The following MGMT variants were observed in gnomAD, a reference collection of about 807,000 sequenced individuals.
The protein encoded by MGMT is O-6-methylguanine-DNA methyltransferase.
In MGMT, 14 loss-of-function variants were observed where a neutral mutation model predicts 15.9. The ratio of observed to expected loss-of-function variants is 0.88; its 90% confidence interval spans 0.58 to 1.37. MGMT has a LOEUF of 1.37. Ranked by LOEUF, MGMT falls within the 40% of genes most tolerant of loss-of-function variation. The pLI, the probability that MGMT is intolerant of heterozygous loss-of-function variation, is 0.00. For missense variants in MGMT, 282 were observed against 268.1 expected (o/e 1.05, Z -0.36); for synonymous variants, 130 against 118.2 (o/e 1.10, Z -0.65).
intron 3 of MGMT, among the ~76,000 whole-genome samples, chr10:129,735,563 A>T: frequency 6.7e-6 from 1 of 149,154 alleles, no homozygotes; most frequent in African/African-American, 2.5e-5. Context: ...TATTTCCTTC[A>T]GTTCTGCTCT....
chr10:129,567,547 C>A (rs1846370585), intron 2 of MGMT, among the ~76,000 whole-genome samples: 1 of 152,120 alleles, frequency 6.6e-6, no homozygotes, highest in African/African-American at 2.4e-5. Context: ...GGTTGAAAAT[C>A]CTGTCCCTGG....
At chr10:129,559,063 A>G (rs1374232359) in intron 2 of MGMT, among the ~76,000 whole-genome samples, 3 of 152,140 alleles carry the variant, frequency 2.0e-5, no homozygotes, top group Admixed American at 6.5e-5. Flanking sequence ...GAATATTTGC[A>G]TCGACCAGGA....
intron 1 of MGMT, among the ~76,000 whole-genome samples, chr10:129,505,186 G>A (rs1482427655): frequency 1.3e-5 from 2 of 152,148 alleles, no homozygotes; most frequent in East Asian, 3.9e-4. Flanking sequence ...AAATGGAATT[G>A]AGAAAATTGA....
intron 2 of MGMT, among the ~76,000 whole-genome samples, chr10:129,657,689 A>G (rs1346438985): frequency 3.6e-5 from 5 of 140,460 alleles, no homozygotes; most frequent in African/African-American, 1.4e-4. Context: ...ACACACACAC[A>G]CACACACACA....
chr10:129,744,718 G>A (rs1012812059), intron 3 of MGMT, among the ~76,000 whole-genome samples: 1 of 152,200 alleles, frequency 6.6e-6, no homozygotes, highest in African/African-American at 2.4e-5. Flanking sequence ...GCCTCCACAG[G>A]GACCACAGAC....
chr10:129,673,470 A>T (rs897676201), intron 2 of MGMT, among the ~76,000 whole-genome samples: 1 of 152,148 alleles, frequency 6.6e-6, no homozygotes, highest in South Asian at 2.1e-4. Flanking sequence ...GTCTTGGTTA[A>T]GGTGTCTTCC....
intron 1 of MGMT, among the ~76,000 whole-genome samples, chr10:129,512,104 G>T (rs996383407): frequency 1.3e-5 from 2 of 152,286 alleles, no homozygotes; most frequent in East Asian, 1.9e-4. Flanking sequence ...GAGATGGGGG[G>T]CGCAGAAAGA....
chr10:129,527,501 G>C (rs906486080), intron 1 of MGMT, among the ~76,000 whole-genome samples: 2 of 152,162 alleles, frequency 1.3e-5, no homozygotes, highest in Non-Finnish European at 2.9e-5. Flanking sequence ...CAGGGAAGGC[G>C]GGCCGGGAAT....
intron 2 of MGMT, among the ~76,000 whole-genome samples, chr10:129,586,046 A>G (rs973310420): frequency 4.6e-5 from 7 of 152,138 alleles, no homozygotes; most frequent in Non-Finnish European, 1.0e-4. Flanking sequence ...CACCGGACAG[A>G]GGGATGATTC....
chr10:129,500,144 A>T (rs193127394), intron 1 of MGMT, among the ~76,000 whole-genome samples: 1 of 152,358 alleles, frequency 6.6e-6, no homozygotes, highest in Admixed American at 6.5e-5. Flanking sequence ...TGGAAAGGCC[A>T]TAAAGATTGG....
chr10:129,560,246 G>C (rs1564852192), intron 2 of MGMT, among the ~76,000 whole-genome samples: 1 of 152,172 alleles, frequency 6.6e-6, no homozygotes, highest in Non-Finnish European at 1.5e-5. Flanking sequence ...TATATGTTGA[G>C]ATCATTCAAG....
chr10:129,537,226 A>G (rs1845995974), intron 2 of MGMT: 1 of 152,196 alleles, frequency 6.6e-6, no homozygotes. Flanking sequence ...CAAGAACATT[A>G]GATAAAGAAA....
intron 2 of MGMT, among the ~76,000 whole-genome samples, chr10:129,550,327 C>T (rs1364458660): frequency 7.0e-6 from 1 of 142,522 alleles, no homozygotes; most frequent in Non-Finnish European, 1.6e-5. Flanking sequence ...ACCACCGCCG[C>T]CCAGCACCGG....
At chr10:129,520,552 G>A (rs1248588945) in intron 1 of MGMT, among the ~76,000 whole-genome samples, 6 of 151,448 alleles carry the variant, frequency 4.0e-5, no homozygotes, top group Admixed American at 1.3e-4. Context: ...AGCCCCTACC[G>A]TGCAGGTGCA....
chr10:129,729,194 G>A (rs1848467920), intron 3 of MGMT, among the ~76,000 whole-genome samples: 1 of 152,106 alleles, frequency 6.6e-6, no homozygotes, highest in African/African-American at 2.4e-5. Flanking sequence ...AACAGGATGA[G>A]CATGGACTCT....
At position 129,556,866 on chromosome 10, in the gene MGMT, A is replaced by G. The variant is rs496298; in HGVS notation, c.125+20489A>G. Among the ~76,000 whole-genome samples the G allele has an allele frequency of 0.72, 108,756 of 151,990 alleles. 39,389 individuals are homozygous for G. Among genetic ancestry groups the G allele is most frequent in the East Asian group, 0.95 (4,906 of 5,140 alleles). On this transcript the variant is annotated intron_variant, in intron 2 of 4. Transcript: ENST00000651593. This position sits in a 1 kb window ranked among gnomAD's most constrained non-coding sequence, Gnocchi z 4.3. The stretch of plus-strand genomic sequence containing the variant: ...GTTCTGTCGTAGGGCTAGTGAGACC[A>G]GCTTTCCCTTGAGTTCTGGGGCGGG...
chr10:129,474,105 A>G (rs1405721179), intron 1 of MGMT, among the ~76,000 whole-genome samples: 3 of 152,220 alleles, frequency 2.0e-5, no homozygotes, highest in Non-Finnish European at 4.4e-5. Flanking sequence ...GGACCTGGCC[A>G]TAGTTGAATT....
intron 2 of MGMT, among the ~76,000 whole-genome samples, chr10:129,650,858 G>C (rs917832418): frequency 6.6e-6 from 1 of 152,226 alleles, no homozygotes; most frequent in African/African-American, 2.4e-5. Flanking sequence ...CTAGGGCAGA[G>C]ACGGTTAGTC....
intron 2 of MGMT, among the ~76,000 whole-genome samples, chr10:129,643,289 T>G (rs1256966955): frequency 6.6e-6 from 1 of 152,162 alleles, no homozygotes; most frequent in Non-Finnish European, 1.5e-5. Flanking sequence ...ATAGAAAGTT[T>G]GATTCAAGGA....
Sources: gnomAD v4.1 joint callset for allele counts (sites outside exome capture counted in the v4.1 genomes callset) on GRCh38, gnomAD v4.1.1 for gene constraint, Gnocchi (gnomAD v3.1) non-coding constraint, MANE v1.5 for transcripts, NCBI Gene and HGNC (gene_info 2026-07-23, HGNC 2026-07-21) for gene names.